The following C12orf42 variants were observed in gnomAD, a reference collection of about 807,000 sequenced individuals.
C12orf42 encodes uncharacterized protein C12orf42.
C12orf42 carries 25 observed loss-of-function variants against 21.6 expected under a neutral mutation model. The observed-to-expected ratio is 1.16, with a 90% confidence interval of 0.84 to 1.62. C12orf42 has a LOEUF of 1.62. Among genes scored for constraint, C12orf42 ranks in the 40% most tolerant of loss-of-function variants. The pLI is 0.00. For synonymous variants in C12orf42, 174 were observed against 175.0 expected (o/e 0.99, Z 0.05); for missense variants, 483 against 459.3 (o/e 1.05, Z -0.47).
intron 2 of C12orf42, among the ~76,000 whole-genome samples, chr12:103,450,104 A>C (rs1034391417): frequency 6.6e-6 from 1 of 152,020 alleles, no homozygotes; most frequent in Non-Finnish European, 1.5e-5. Context: ...TAAATATATT[A>C]GGTTTAGGTT....
At chr12:103,050,783 A>G in the C12orf42 span, among the ~76,000 whole-genome samples, 2 of 152,072 alleles carry the variant, frequency 1.3e-5, no homozygotes, top group African/African-American at 4.8e-5. Flanking sequence ...CAAACAATTA[A>G]AAATTTATAA....
chr12:103,151,943 T>A, the C12orf42 span: 6 of 152,128 alleles, frequency 3.9e-5, no homozygotes, highest in Non-Finnish European at 7.4e-5. Context: ...ACCAGATGAG[T>A]CATTAAAGGG....
intron 1 of C12orf42, among the ~76,000 whole-genome samples, chr12:103,489,086 A>G (rs1373643633): frequency 3.9e-5 from 6 of 152,172 alleles, no homozygotes; most frequent in Non-Finnish European, 7.4e-5. Flanking sequence ...TTGTGGTTTT[A>G]GCTACCTTTT....
the C12orf42 span, among the ~76,000 whole-genome samples, chr12:103,157,780 G>A: frequency 3.9e-5 from 6 of 152,144 alleles, no homozygotes; most frequent in African/African-American, 1.4e-4. Context: ...GATGGTTGTA[G>A]GTGTGTGGTG....
the C12orf42 span, among the ~76,000 whole-genome samples, chr12:103,167,869 G>T: frequency 2.7e-5 from 4 of 146,280 alleles, no homozygotes; most frequent in African/African-American, 1.0e-4. Context: ...TACTATCTCT[G>T]AGGGGTGGGC....
At chr12:103,173,405 C>A in the C12orf42 span, among the ~76,000 whole-genome samples, 2 of 152,094 alleles carry the variant, frequency 1.3e-5, no homozygotes, top group Non-Finnish European at 2.9e-5. Context: ...TGGACACTTT[C>A]ATGTCTTAAA....
At chr12:103,526,496 A>C in the C12orf42 span, among the ~76,000 whole-genome samples, 1 of 152,186 alleles carries the variant, frequency 6.6e-6, no homozygotes, top group Non-Finnish European at 1.5e-5. Context: ...TCCCCAGGAG[A>C]ACACTAGGAG....
At chr12:103,357,832 C>T (rs985480957) in intron 4 of C12orf42, among the ~76,000 whole-genome samples, 8 of 152,064 alleles carry the variant, frequency 5.3e-5, no homozygotes, top group African/African-American at 1.9e-4. Context: ...AGGTTGTTTA[C>T]CACCACTGAA....
At chr12:103,127,781 AC>A in the C12orf42 span, among the ~76,000 whole-genome samples, 1 of 152,178 alleles carries the variant, frequency 6.6e-6, no homozygotes, top group Non-Finnish European at 1.5e-5. Flanking sequence ...AAGTTAAGAA[AC>A]CTTGATACAT....
chr12:103,409,140 A>G (rs1488976337), intron 2 of C12orf42, among the ~76,000 whole-genome samples: 2 of 152,196 alleles, frequency 1.3e-5, no homozygotes, highest in Non-Finnish European at 2.9e-5. Flanking sequence ...ACATATGCTA[A>G]CTTTTCTTTG....
intron 4 of C12orf42, among the ~76,000 whole-genome samples, chr12:103,331,980 G>A (rs1257853984): frequency 2.0e-5 from 3 of 152,170 alleles, no homozygotes; most frequent in Non-Finnish European, 4.4e-5. Flanking sequence ...TCTGGAGAAT[G>A]GGGAGGACCT....
the C12orf42 span, among the ~76,000 whole-genome samples, chr12:103,132,750 G>A: frequency 6.6e-6 from 1 of 152,012 alleles, no homozygotes; most frequent in African/African-American, 2.4e-5. Flanking sequence ...GCCACTGCAT[G>A]TTTTCATGTG....
At chr12:103,347,852 T>C (rs1232255442) in intron 4 of C12orf42, among the ~76,000 whole-genome samples, 4 of 152,186 alleles carry the variant, frequency 2.6e-5, no homozygotes, top group Admixed American at 2.6e-4. Flanking sequence ...AGCAAAGGTC[T>C]GTGGTTAATT....
the C12orf42 span, among the ~76,000 whole-genome samples, chr12:103,162,071 G>A: frequency 1.3e-5 from 2 of 152,064 alleles, no homozygotes; most frequent in Non-Finnish European, 2.9e-5. Context: ...CAGCTAGTAG[G>A]GTTTATTGCT....
chr12:103,554,496 G>A, the C12orf42 span, among the ~76,000 whole-genome samples: 1 of 152,008 alleles, frequency 6.6e-6, no homozygotes, highest in Non-Finnish European at 1.5e-5. Flanking sequence ...CAGGGTTTAA[G>A]GGCAAATAGT....
chr12:103,494,351 T>C (rs1425904506), intron 1 of C12orf42, among the ~76,000 whole-genome samples: 1 of 152,196 alleles, frequency 6.6e-6, no homozygotes, highest in Non-Finnish European at 1.5e-5. Context: ...AACAAGAAGT[T>C]TTCTGTACGC....
intron 2 of C12orf42, among the ~76,000 whole-genome samples, chr12:103,428,982 G>A (rs1950060250): frequency 6.6e-6 from 1 of 152,096 alleles, no homozygotes; most frequent in South Asian, 2.1e-4. Flanking sequence ...AATAATAAGA[G>A]CTATTTATGA....
the C12orf42 span, among the ~76,000 whole-genome samples, chr12:103,540,169 A>G: frequency 6.6e-6 from 1 of 150,476 alleles, no homozygotes. Context: ...CACCATGCTC[A>G]GCTAATTTTT....
rs572110392 is a variant in C12orf42, at chr12:103,354,113, A to G, written c.259+14774T>C. 6.6e-5 allele frequency among the ~76,000 whole-genome samples: 10 copies of G among 152,308 alleles called. No individual in the cohort carries two copies. In the East Asian group the frequency reaches 1.9e-3, roughly 29 times the overall value. On this transcript the variant is annotated intron_variant, in intron 4 of 5. Transcript: ENST00000548883. ...TACCTAGGAGAAGCAACAATGAGTC[A>G]TCTGCACAAAACCTCTGTGGTCTAC...
Sources: allele counts gnomAD v4.1 joint callset (sites outside exome capture counted in the v4.1 genomes callset), GRCh38; gene constraint gnomAD v4.1.1; transcripts MANE v1.5; gene names NCBI Gene and HGNC (gene_info 2026-07-23, HGNC 2026-07-21).